Variants in LRRC4C observed in about 807,000 individuals in gnomAD.
LRRC4C encodes the protein leucine rich repeat containing 4C.
In LRRC4C, 5 loss-of-function variants were observed where a neutral mutation model predicts 33.6. The ratio of observed to expected loss-of-function variants is 0.15; its 90% confidence interval spans 0.08 to 0.31. LRRC4C has a LOEUF of 0.31. LRRC4C is among the 10% of genes least tolerant of loss of function. LRRC4C has a pLI of 1.00. For missense variants in LRRC4C, 560 were observed against 796.7 expected, an observed-to-expected ratio of 0.70 and a Z score of 3.58; for synonymous variants, 329 against 302.0, an observed-to-expected ratio of 1.09 and a Z score of -0.93.
intron 2 of LRRC4C, among the ~76,000 whole-genome samples, chr11:40,798,298 G>T (rs1950910863): frequency 6.6e-6 from 1 of 152,156 alleles, no homozygotes; most frequent in South Asian, 2.1e-4. Context: ...GTCAGCCTTT[G>T]ACCAGTTTTC....
At chr11:40,344,722 T>G (rs1177028966) in intron 3 of LRRC4C, among the ~76,000 whole-genome samples, 1 of 152,178 alleles carries the variant, frequency 6.6e-6, no homozygotes, top group African/African-American at 2.4e-5. Flanking sequence ...CTACCACTGT[T>G]TGCAGACAAT....
At chr11:40,763,531 C>T (rs1381327477) in intron 2 of LRRC4C, among the ~76,000 whole-genome samples, 3 of 152,076 alleles carry the variant, frequency 2.0e-5, no homozygotes, top group African/African-American at 7.2e-5. Flanking sequence ...CTGGTTCTAA[C>T]ATTATATTAA....
At chr11:40,739,360 T>A (rs1209634285) in intron 2 of LRRC4C, among the ~76,000 whole-genome samples, 1 of 151,936 alleles carries the variant, frequency 6.6e-6, no homozygotes, top group Admixed American at 6.6e-5. Context: ...TCCTTCAGAT[T>A]CATCCACATT....
At chr11:40,358,372 C>T (rs770576327) in intron 3 of LRRC4C, among the ~76,000 whole-genome samples, 2 of 152,004 alleles carry the variant, frequency 1.3e-5, no homozygotes, top group African/African-American at 2.4e-5. Flanking sequence ...GCTTCACCTC[C>T]GGGGCTTAAG....
rs566678595 is a variant in LRRC4C, at chr11:41,347,328, T to G, written c.-496+112103A>C. Among the ~76,000 whole-genome samples the G allele has an allele frequency of 2.6e-5, 4 of 152,326 alleles. No homozygotes were observed. In the South Asian group the frequency reaches 8.3e-4, roughly 32 times the overall value. On this transcript the variant is annotated intron_variant, in intron 1 of 6. Transcript: ENST00000528697. Reference sequence around the variant, plus strand: ...TGAACTATAGTGTTCATTTGCTAAGTTAATACAGGCATTTAAGGAGAGCTT... The same window carrying G: ...TGAACTATAGTGTTCATTTGCTAAGGTAATACAGGCATTTAAGGAGAGCTT...
At chr11:40,357,486 C>T (rs1012748332) in intron 3 of LRRC4C, among the ~76,000 whole-genome samples, 1 of 152,124 alleles carries the variant, frequency 6.6e-6, no homozygotes, top group Non-Finnish European at 1.5e-5. Flanking sequence ...CTTCAGTTCT[C>T]ACCCAAATGA....
At chr11:41,335,169 A>T (rs139075396) in intron 1 of LRRC4C, among the ~76,000 whole-genome samples, 1 of 152,322 alleles carries the variant, frequency 6.6e-6, no homozygotes, top group African/African-American at 2.4e-5. Context: ...AACTGATTCC[A>T]AACATGTTTA....
chr11:40,883,155 A>C (rs1421683121), intron 2 of LRRC4C, among the ~76,000 whole-genome samples: 1 of 152,004 alleles, frequency 6.6e-6, no homozygotes, highest in Non-Finnish European at 1.5e-5. Context: ...TTCCACACTA[A>C]AGATAACCAG....
chr11:40,969,974 T>C (rs1851610847), intron 1 of LRRC4C, among the ~76,000 whole-genome samples: 1 of 152,144 alleles, frequency 6.6e-6, no homozygotes, highest in South Asian at 2.1e-4. Flanking sequence ...TGTCTGCCTG[T>C]TCAAGCCTGG....
chr11:41,165,899 TG>T (rs1944701255), intron 1 of LRRC4C, among the ~76,000 whole-genome samples: 1 of 151,788 alleles, frequency 6.6e-6, no homozygotes, highest in Non-Finnish European at 1.5e-5. Flanking sequence ...GGCATGGTGG[TG>T]GGTGCCTGTA....
chr11:40,357,262 T>C (rs959901878), intron 3 of LRRC4C, among the ~76,000 whole-genome samples: 11 of 152,302 alleles, frequency 7.2e-5, no homozygotes, highest in African/African-American at 2.6e-4. Flanking sequence ...TATATTTTAT[T>C]GTCAAAGCCT....
intron 1 of LRRC4C, among the ~76,000 whole-genome samples, chr11:41,439,575 G>A (rs1955546870): frequency 6.6e-6 from 1 of 152,102 alleles, no homozygotes; most frequent in Non-Finnish European, 1.5e-5. Context: ...TCTGACTAGT[G>A]GAAGATGGTA....
intron 4 of LRRC4C, among the ~76,000 whole-genome samples, chr11:40,302,016 A>C (rs1944797164): frequency 6.6e-6 from 1 of 152,338 alleles, no homozygotes. Flanking sequence ...AGACTTTCAA[A>C]ATGGAAGGGG....
intron 2 of LRRC4C, among the ~76,000 whole-genome samples, chr11:40,682,764 A>ATAAATAAATAAC (rs1166505304): frequency 2.6e-5 from 4 of 151,228 alleles, no homozygotes; most frequent in African/African-American, 9.7e-5. Context: ...AAATAAATAA[A>ATAAATAAATAAC]TAAATAAATA....
chr11:40,860,907 G>C lies in LRRC4C; in HGVS notation c.-407+72728C>G, dbSNP rs1425020883. Among the ~76,000 whole-genome samples the C allele has an allele frequency of 3.4e-5, 5 of 145,748 alleles. No individual in the cohort carries two copies. The East Asian group carries it at 1.0e-3, about 30-fold the overall frequency. On this transcript the variant is annotated intron_variant, in intron 2 of 6. Transcript: ENST00000528697. ...ATATGATGAAAATATTTTGGAACTA[G>C]AAAGTAGCAGTGATTGGACAACGTT...
At chr11:40,170,655 T>G (rs1036317082) in intron 5 of LRRC4C, among the ~76,000 whole-genome samples, 1 of 152,166 alleles carries the variant, frequency 6.6e-6, no homozygotes, top group Non-Finnish European at 1.5e-5. Context: ...ATCCAAGGAT[T>G]GTAAAATCTT....
rs1254309138 is a variant in LRRC4C at position 40,987,437 on chromosome 11, G to A, written c.-495-53714C>T. Among the ~76,000 whole-genome samples the A allele has an allele frequency of 2.0e-5, 3 of 151,798 alleles. No homozygotes were observed. The East Asian group carries it at 5.8e-4, about 29-fold the overall frequency. ...TTAACCGTCTGGTTCAAAAGCTCAT[G>A]GGAATTCTTGCTCTGCCTGTTTTCC... On this transcript the variant is annotated intron_variant, in intron 1 of 6. Transcript: ENST00000528697.
chr11:41,161,499 GTACC>G (rs1038170970), intron 1 of LRRC4C, among the ~76,000 whole-genome samples: 17 of 152,112 alleles, frequency 1.1e-4, no homozygotes, highest in Non-Finnish European at 2.1e-4. Context: ...CTGATATTAA[GTACC>G]TTTTCCATCT....
intron 1 of LRRC4C, among the ~76,000 whole-genome samples, chr11:41,246,290 G>A (rs1227567870): frequency 1.3e-5 from 2 of 152,168 alleles, no homozygotes; most frequent in African/African-American, 2.4e-5. Flanking sequence ...GTGTGTGTCA[G>A]TGCTGCCCCA....
Sources: allele counts gnomAD v4.1 joint callset (sites outside exome capture counted in the v4.1 genomes callset), GRCh38; gene constraint gnomAD v4.1.1; transcripts MANE v1.5; gene names NCBI Gene and HGNC (gene_info 2026-07-23, HGNC 2026-07-21).